Variants in EXT1 observed in about 807,000 individuals in gnomAD.
The protein encoded by EXT1 is exostosin glycosyltransferase 1, also known as exostosin-1.
Under a neutral mutation model 82.5 loss-of-function variants are expected in EXT1, and 20 were observed. The ratio of observed to expected loss-of-function variants is 0.24; its 90% CI spans 0.17 to 0.35. EXT1 has a LOEUF of 0.35. Among genes scored for constraint, EXT1 ranks in the 10% least tolerant of loss-of-function variants. The probability of loss-of-function intolerance (pLI) is 1.00; values close to 1 mark genes in which losing one functional copy is unlikely to be tolerated. For missense variants in EXT1, 757 were observed against 936.5 expected, an observed-to-expected ratio of 0.81 and a Z score of 2.50; for synonymous variants, 348 against 350.8, an observed-to-expected ratio of 0.99 and a Z score of 0.09.
chr8:117,900,044 C>A (rs191965262), intron 1 of EXT1, among the ~76,000 whole-genome samples: 1 of 152,186 alleles, frequency 6.6e-6, no homozygotes, highest in Admixed American at 6.5e-5. Context: ...GGTGACTACA[C>A]GGAGGTCCCT....
chr8:117,857,179 A>C (rs990026022), intron 1 of EXT1, among the ~76,000 whole-genome samples: 9 of 152,174 alleles, frequency 5.9e-5, no homozygotes, highest in Non-Finnish European at 1.0e-4. Context: ...CTAGTTACCC[A>C]AGAGCTCTAA....
At chr8:117,845,959 C>G (rs1812352419) in intron 1 of EXT1, among the ~76,000 whole-genome samples, 1 of 152,164 alleles carries the variant, frequency 6.6e-6, no homozygotes, top group African/African-American at 2.4e-5. Context: ...GATCCACGAC[C>G]AGCTCTGTCA....
At chr8:118,047,269 C>A (rs1236440851) in intron 1 of EXT1, among the ~76,000 whole-genome samples, 2 of 152,252 alleles carry the variant, frequency 1.3e-5, no homozygotes, top group Admixed American at 1.3e-4. Context: ...TGACCTTGGG[C>A]AAGATACTCC....
At chr8:117,957,907 A>G (rs1814621222) in intron 1 of EXT1, among the ~76,000 whole-genome samples, 1 of 152,202 alleles carries the variant, frequency 6.6e-6, no homozygotes, top group South Asian at 2.1e-4. Flanking sequence ...GGACTTCCTT[A>G]AAGATACACT....
intron 1 of EXT1, among the ~76,000 whole-genome samples, chr8:118,109,442 AATGCATGC>A (rs66559930): frequency 6.6e-6 from 1 of 150,438 alleles, no homozygotes; most frequent in Non-Finnish European, 1.5e-5. Context: ...TGAATGAATG[AATGCATGC>A]ATGCATGCAT....
intron 1 of EXT1, among the ~76,000 whole-genome samples, chr8:118,032,872 C>T (rs1816353073): frequency 1.3e-5 from 2 of 152,058 alleles, no homozygotes; most frequent in South Asian, 4.2e-4. Flanking sequence ...TTATAGATAA[C>T]CAAGAATCAG....
chr8:118,002,781 C>T (rs1195558393), intron 1 of EXT1, among the ~76,000 whole-genome samples: 3 of 152,064 alleles, frequency 2.0e-5, no homozygotes, highest in Non-Finnish European at 4.4e-5. Context: ...ATCCACCCGC[C>T]TCAGCCTCCC....
At chr8:117,990,001 G>A (rs953518817) in intron 1 of EXT1, among the ~76,000 whole-genome samples, 9 of 152,156 alleles carry the variant, frequency 5.9e-5, no homozygotes, top group Admixed American at 4.6e-4. Context: ...GTGAAACACT[G>A]GGTCTACTAA....
chr8:117,968,549 ATTTATTTTTTTTTTTTTTTTT>A (rs1814872021), intron 1 of EXT1, among the ~76,000 whole-genome samples: 6 of 11,316 alleles, frequency 5.3e-4, no homozygotes, highest in Admixed American at 5.1e-3. Flanking sequence ...TTATTTATTT[ATTTATTTTTTTTTTTTTTTTT>A]TTTTTTTTTT....
intron 1 of EXT1, among the ~76,000 whole-genome samples, chr8:118,045,250 T>C (rs745777336): frequency 6.6e-6 from 1 of 152,198 alleles, no homozygotes; most frequent in Non-Finnish European, 1.5e-5. Context: ...GAAATATTTA[T>C]TGCTCGCAGA....
At chr8:118,028,236 C>T (rs1410551195) in intron 1 of EXT1, among the ~76,000 whole-genome samples, 1 of 152,242 alleles carries the variant, frequency 6.6e-6, no homozygotes, top group African/African-American at 2.4e-5. Context: ...CCCAACACTC[C>T]ACTGGTGGCC....
chr8:117,915,943 T>G (rs930781102), intron 1 of EXT1, among the ~76,000 whole-genome samples: 3 of 152,230 alleles, frequency 2.0e-5, no homozygotes, highest in Non-Finnish European at 4.4e-5. Flanking sequence ...TTTGGCTGAA[T>G]GTAAAAACTT....
chr8:118,074,837 GAA>G lies in EXT1; in HGVS notation c.962+35246_962+35247del, dbSNP rs960254803. 3.3e-5 allele frequency among the ~76,000 whole-genome samples: 5 copies of G among 151,946 alleles called. 1 individual carries two copies. Among genetic ancestry groups the G allele is most frequent in the African/African-American group, 1.2e-4 (5 of 41,480 alleles). ...TACAACTCTGTTAAATGCAAAACGA[GAA>G]AAAAAAGATGGATGAGGGTCACAGC... is the stretch of plus-strand genomic sequence containing the variant. On this transcript the variant is annotated intron_variant, in intron 1 of 10. Transcript: ENST00000378204.
At chr8:117,889,163 TG>T (rs1171595582) in intron 1 of EXT1, among the ~76,000 whole-genome samples, 5 of 152,184 alleles carry the variant, frequency 3.3e-5, no homozygotes, top group Admixed American at 6.5e-5. Flanking sequence ...GTGTTTAAAA[TG>T]GTGGAGCAAC....
chr8:117,871,610 A>G (rs900198561), intron 1 of EXT1, among the ~76,000 whole-genome samples: 3 of 152,212 alleles, frequency 2.0e-5, no homozygotes. Flanking sequence ...CCAATGCAAG[A>G]ACGGCTAGGT....
chr8:117,956,832 A>G (rs1198732385), intron 1 of EXT1, among the ~76,000 whole-genome samples: 1 of 152,146 alleles, frequency 6.6e-6, no homozygotes, highest in African/African-American at 2.4e-5. Flanking sequence ...CTGATGGGGG[A>G]AGAGGAGAGA....
chr8:117,992,495 C>T (rs2129791276), intron 1 of EXT1, among the ~76,000 whole-genome samples: 1 of 148,560 alleles, frequency 6.7e-6, no homozygotes, highest in East Asian at 2.0e-4. Context: ...GATACGAAGG[C>T]TTGGCCCAAC....
chr8:117,851,342 A>C (rs1812449263), intron 1 of EXT1, among the ~76,000 whole-genome samples: 1 of 151,568 alleles, frequency 6.6e-6, no homozygotes, highest in Non-Finnish European at 1.5e-5. Context: ...ATTCTCACCC[A>C]AAATCTAAAA....
chr8:117,889,727 A>G (rs539840685), intron 1 of EXT1, among the ~76,000 whole-genome samples: 2 of 152,216 alleles, frequency 1.3e-5, no homozygotes, highest in Non-Finnish European at 2.9e-5. Context: ...CTCAGAAAAC[A>G]GTATCCAAAA....
Sources: allele counts gnomAD v4.1 joint callset (sites outside exome capture counted in the v4.1 genomes callset), GRCh38; gene constraint gnomAD v4.1.1; transcripts MANE v1.5; gene names NCBI Gene and HGNC (gene_info 2026-07-23, HGNC 2026-07-21).